MTMR8: variants seen among roughly 807,000 people sequenced by gnomAD.
MTMR8 encodes the protein myotubularin related protein 8, also known as phosphatidylinositol-3,5-bisphosphate 3-phosphatase MTMR8.
MTMR8 carries 65 observed loss-of-function variants against 39.3 expected under a neutral mutation model. That is an observed-to-expected ratio of 1.65 (90% CI 1.35 to 2.03). MTMR8 has a LOEUF of 2.03. MTMR8 is among the 30% of genes most tolerant of loss of function. The pLI, the probability that MTMR8 is intolerant of heterozygous loss-of-function variation, is 0.00. For synonymous variants in MTMR8, 245 were observed against 185.2 expected (o/e 1.32, Z -2.62); for missense variants, 777 against 538.9 (o/e 1.44, Z -4.37).
At chrX:64,323,801 T>C (rs911420394) in intron 12 of MTMR8, among the ~76,000 whole-genome samples, 4 of 111,904 alleles carry the variant, frequency 3.6e-5, no homozygotes, top group Non-Finnish European at 7.5e-5. Context: ...TTAAACAACA[T>C]GCTCTTATAT....
chrX:64,387,761 C>G (rs1399041720), intron 1 of MTMR8, among the ~76,000 whole-genome samples: 7 of 102,578 alleles, frequency 6.8e-5, no homozygotes, highest in African/African-American at 2.5e-4. Context: ...GAAAGGGATG[C>G]AAGAGGGAAG....
In MTMR8 at chrX:64,268,170, G is replaced by C. The variant is rs900200866; in HGVS notation, c.*367C>G. On this transcript the variant is annotated 3_prime_UTR_variant, in exon 14 of 14. Coordinates refer to ENST00000374852, the MANE Select transcript of MTMR8 (RefSeq NM_017677.4). ...CTCAAAAGGGTCATTATTGACCATT[G>C]TGACAATATTTCCACTTCACTTTCA... The C allele has an allele frequency of 5.5e-6, 1 of 183,284 alleles. No individual in the cohort carries two copies. The highest frequency in any genetic ancestry group is 1.0e-5 in the Non-Finnish European group (1 of 99,796). The allele number at this position is 183,284 out of a possible 1,213,427, so 15.1% of individuals were successfully genotyped here.
intron 1 of MTMR8, among the ~76,000 whole-genome samples, chrX:64,378,750 A>G (rs1261469775): frequency 8.9e-6 from 1 of 112,201 alleles, no homozygotes; most frequent in African/African-American, 3.2e-5. Context: ...AAAAAATACA[A>G]GAGCAAATTT....
At chrX:64,378,964 C>T (rs1354517414) in intron 1 of MTMR8, among the ~76,000 whole-genome samples, 1 of 111,619 alleles carries the variant, frequency 9.0e-6, no homozygotes, top group African/African-American at 3.3e-5. Context: ...CTACTGATCC[C>T]ATGTACATTA....
chrX:64,352,096 G>T (rs1409164826), intron 4 of MTMR8, among the ~76,000 whole-genome samples: 1 of 111,804 alleles, frequency 8.9e-6, no homozygotes, highest in Non-Finnish European at 1.9e-5. Flanking sequence ...CTGAACACCT[G>T]CCTTCCTTCT....
intron 4 of MTMR8, among the ~76,000 whole-genome samples, chrX:64,352,939 T>A (rs1165878068): frequency 9.0e-6 from 1 of 111,652 alleles, no homozygotes; most frequent in East Asian, 2.8e-4. Flanking sequence ...CACAACTGTC[T>A]TCATGATAAA....
intron 1 of MTMR8, among the ~76,000 whole-genome samples, chrX:64,381,213 A>G (rs907386197): frequency 8.9e-6 from 1 of 111,746 alleles, no homozygotes; most frequent in African/African-American, 3.3e-5. Flanking sequence ...TCCCACCAAC[A>G]GTGTAAAAGT....
At chrX:64,380,672 C>T (rs1180656273) in intron 1 of MTMR8, among the ~76,000 whole-genome samples, 1 of 111,876 alleles carries the variant, frequency 8.9e-6, no homozygotes, top group Non-Finnish European at 1.9e-5. Flanking sequence ...TATACATGTG[C>T]CATGTTGGTG....
chrX:64,361,693 A>T (rs956244178), intron 1 of MTMR8, among the ~76,000 whole-genome samples: 8 of 111,723 alleles, frequency 7.2e-5, no homozygotes, highest in Non-Finnish European at 1.3e-4. Context: ...ACTTGGTAAA[A>T]ATTATATACA....
chrX:64,369,982 T>A (rs775532088), intron 1 of MTMR8, among the ~76,000 whole-genome samples: 70 of 111,263 alleles, frequency 6.3e-4, no homozygotes, highest in African/African-American at 2.0e-3. Context: ...AACTATCATG[T>A]TTTGAAAGAT....
At chrX:64,310,804 T>C (rs1203464477) in intron 12 of MTMR8, among the ~76,000 whole-genome samples, 1 of 111,485 alleles carries the variant, frequency 9.0e-6, no homozygotes, top group Non-Finnish European at 1.9e-5. Flanking sequence ...TCCAGCTTCA[T>C]CCATGTCCCT....
At position 64,337,360 on chromosome X, in the gene MTMR8, G is replaced by A. The variant is rs962698743; in HGVS notation, c.1009C>T (p.His337Tyr). The A allele has an allele frequency of 9.1e-6, 11 of 1,207,804 alleles. No homozygotes were observed. Among genetic ancestry groups the A allele is most frequent in the African/African-American group, 1.8e-5 (1 of 56,945 alleles). The change falls in exon 9 of 14, where the codon CAT becomes TAT. Residue 337 changes from histidine (H) to tyrosine (Y), a missense_variant. His to Tyr is a moderately conservative substitution (Grantham distance 83). Coordinates refer to ENST00000374852, the MANE Select transcript of MTMR8 (RefSeq NM_017677.4). The stretch of plus-strand genomic sequence containing the variant: ...GTGCGGTCCCATCCATCAGAACAAT[G>A]GACTAAGACACTGGCCTTTTCTACC... ...VKVEKASVLV[H>Y]CSDGWDRTAQ... is the part of the protein sequence containing the mutation.
intron 1 of MTMR8, among the ~76,000 whole-genome samples, chrX:64,366,726 A>C (rs1304825341): frequency 9.0e-6 from 1 of 111,679 alleles, no homozygotes; most frequent in Non-Finnish European, 1.9e-5. Context: ...CACATTCAAA[A>C]GCTAGCAGAA....
chrX:64,384,493 G>A (rs1360261204), intron 1 of MTMR8, among the ~76,000 whole-genome samples: 1 of 112,080 alleles, frequency 8.9e-6, no homozygotes, highest in Admixed American at 9.4e-5. Flanking sequence ...CCCTGTAGCA[G>A]GCTTCTGCCT....
chrX:64,318,646 G>A (rs1414455471), intron 12 of MTMR8, among the ~76,000 whole-genome samples: 1 of 109,781 alleles, frequency 9.1e-6, no homozygotes, highest in Non-Finnish European at 1.9e-5. Flanking sequence ...GGGGGGAGTA[G>A]GAAAAATATG....
At chrX:64,331,403 C>T (rs1325269966) in intron 11 of MTMR8, 154 bp downstream of exon 11, 16 of 467,009 alleles carry the variant, frequency 3.4e-5, no homozygotes, top group Non-Finnish European at 5.2e-5. Flanking sequence ...GATCTCTGTG[C>T]AAACATTGAG....
At chrX:64,297,854 C>T (rs2147197074) in intron 12 of MTMR8, among the ~76,000 whole-genome samples, 1 of 108,676 alleles carries the variant, frequency 9.2e-6, no homozygotes, top group East Asian at 2.9e-4. Context: ...TTCCCCATTG[C>T]TTGTTTTTCT....
chrX:64,383,296 C>T (rs1239147188), intron 1 of MTMR8, among the ~76,000 whole-genome samples: 2 of 109,257 alleles, frequency 1.8e-5, no homozygotes, highest in African/African-American at 6.7e-5. Flanking sequence ...CATATAAATA[C>T]AGATTAGATA....
chrX:64,391,786 G>A (rs1333124387), intron 1 of MTMR8, among the ~76,000 whole-genome samples: 2 of 112,005 alleles, frequency 1.8e-5, no homozygotes, highest in Admixed American at 9.5e-5. Flanking sequence ...TGAAGAAACT[G>A]AGGCAAAAGA....
Sources: allele counts gnomAD v4.1 joint callset (sites outside exome capture counted in the v4.1 genomes callset), GRCh38; gene constraint gnomAD v4.1.1; transcripts MANE v1.5; gene names NCBI Gene and HGNC (gene_info 2026-07-23, HGNC 2026-07-21).